The following RHOQ variants were observed in gnomAD, a reference collection of about 807,000 sequenced individuals.
RHOQ encodes rho-related GTP-binding protein RhoQ.
In RHOQ, 7 loss-of-function variants were observed where a neutral mutation model predicts 25.8. The ratio of observed to expected loss-of-function variants is 0.27; its 90% CI spans 0.15 to 0.51. The LOEUF is 0.51. Ranked by LOEUF, RHOQ falls within the 20% of genes least tolerant of loss-of-function variation. The pLI is 0.97. For missense variants in RHOQ, 165 were observed against 260.6 expected (o/e 0.63, Z 2.53); for synonymous variants, 97 against 98.6 (o/e 0.98, Z 0.10).
rs1558691087 is a variant in RHOQ, at chr2:46,572,119, T to TG, written c.202-3968_202-3967insG. Among the ~76,000 whole-genome samples, 56 of 137,210 alleles carry TG rather than the reference T, an allele frequency of 4.1e-4. No homozygotes were observed. The East Asian group carries it at 6.9e-3, about 17-fold the overall frequency. 90.0% of individuals were successfully genotyped at this position (137,210 alleles called of 152,430 possible). A position where few individuals can be genotyped will look rare whatever the true frequency, so the allele number is the denominator to read the frequency against. ...GTGGTAAGTGTGTGTTTTTTTTTTT[T>TG]TTTTTTTTTTTTTTTGAGACAGGGT... On this transcript the variant is annotated intron_variant, in intron 2 of 4. Transcript: ENST00000238738.
chr2:46,543,442 C>G (rs1227831944), intron 1 of RHOQ: 3 of 601,662 alleles, frequency 5.0e-6, no homozygotes, highest in Non-Finnish European at 8.8e-6. Context: ...CGCCCTGGGC[C>G]GTCCTCCTTG....
rs1288852638 is a variant in RHOQ, at chr2:46,581,264, A to T, written c.*181A>T. On this transcript the variant is annotated 3_prime_UTR_variant, in exon 5 of 5. Transcript: ENST00000238738. ...GTTCCTTAAAGGTTTAAGAAGCAGT[A>T]AGCAGCATCTGAAGCCACAATCTAT... 1.1e-6 allele frequency: 1 copy of T among 948,752 alleles called. No homozygotes were observed. Among genetic ancestry groups the T allele is most frequent in the Non-Finnish European group, 1.5e-6 (1 of 646,922 alleles). 58.8% of individuals were successfully genotyped at this position (948,752 alleles called of 1,614,324 possible).
intron 2 of RHOQ, among the ~76,000 whole-genome samples, chr2:46,544,352 AAAG>A (rs1326632977): frequency 1.3e-5 from 2 of 152,188 alleles, no homozygotes; most frequent in African/African-American, 4.8e-5. Context: ...CACAGGGAAA[AAAG>A]AAAAGAAACA....
chr2:46,543,588 G>A (rs1667921655), intron 1 of RHOQ, 166 bp from the exon 2 acceptor site: 1 of 655,810 alleles, frequency 1.5e-6, no homozygotes, highest in Non-Finnish European at 2.8e-6. Flanking sequence ...GCCCTTTGCC[G>A]GTTCACAGTG....
intron 2 of RHOQ, among the ~76,000 whole-genome samples, chr2:46,572,103 G>GTT: frequency 9.2e-6 from 1 of 108,412 alleles, no homozygotes; most frequent in Non-Finnish European, 1.8e-5. Context: ...GGTGGTAAGT[G>GTT]TGTGTTTTTT....
Position 46,556,577 on chromosome 2 carries a change from C to T in RHOQ, c.201+12765C>T, listed in dbSNP as rs1304370269. On this transcript the variant is annotated intron_variant, in intron 2 of 4. Coordinates refer to ENST00000238738, the MANE Select transcript of RHOQ (RefSeq NM_012249.4). The surrounding 1 kb of genome is among the most constrained non-coding windows in gnomAD (Gnocchi z 4.9). ...GCCTCTGTTCATATACTCTCCCACC[C>T]CAACCACACCCTAATAGCTTTATTT... Among the ~76,000 whole-genome samples, 2 of 151,906 alleles carry T rather than the reference C, an allele frequency of 1.3e-5. No homozygotes were observed. The highest frequency in any genetic ancestry group is 2.4e-5 in the African/African-American group (1 of 41,318).
chr2:46,543,640 C>G (rs1667924774), intron 1 of RHOQ, 114 bp from the exon 2 acceptor site: 1 of 845,288 alleles, frequency 1.2e-6, no homozygotes, highest in East Asian at 2.7e-5. Flanking sequence ...TCGCGGGGAG[C>G]GCCCCCACGC....
intron 2 of RHOQ, among the ~76,000 whole-genome samples, chr2:46,573,894 TTC>T (rs1468087705): frequency 1.3e-5 from 2 of 152,266 alleles, no homozygotes; most frequent in African/African-American, 4.8e-5. Context: ...TAATATATCA[TTC>T]TCTTTTATTC....
rs1668267409 is a variant in RHOQ, at chr2:46,552,275, C to A, written c.201+8463C>A. On this transcript the variant is annotated intron_variant, in intron 2 of 4. Transcript: ENST00000238738. This position sits in a 1 kb window ranked among gnomAD's most constrained non-coding sequence, Gnocchi z 5.0. ...CCATGCTTCCTCAAAAAGGAGCAGGCCCGAGGTGGCGCTGATGGCCCCATT... is the reference window on the plus strand; with the variant it reads ...CCATGCTTCCTCAAAAAGGAGCAGGACCGAGGTGGCGCTGATGGCCCCATT... Among the ~76,000 whole-genome samples, 1 of 152,164 alleles carries A rather than the reference C, an allele frequency of 6.6e-6. No homozygotes were observed. The highest frequency in any genetic ancestry group is 1.5e-5 in the Non-Finnish European group (1 of 68,024).
chr2:46,560,493 T>C (rs1438379749), intron 2 of RHOQ: 1 of 446,660 alleles, frequency 2.2e-6, no homozygotes, highest in Non-Finnish European at 4.6e-6. Flanking sequence ...AGGCTCCTGA[T>C]GAATTAATAA....
At chr2:46,580,883 A>G (rs1415248307) in intron 4 of RHOQ, 45 bp from the exon 5 acceptor site, 3 of 1,374,200 alleles carry the variant, frequency 2.2e-6, no homozygotes, top group South Asian at 3.5e-5. Flanking sequence ...TGCCAATTGT[A>G]TAAACATGAT....
intron 2 of RHOQ, among the ~76,000 whole-genome samples, chr2:46,560,174 C>T (rs930002846): frequency 2.0e-5 from 3 of 152,168 alleles, no homozygotes; most frequent in African/African-American, 2.4e-5. Flanking sequence ...CTGTGCAGTC[C>T]GGTGTTTAAC....
intron 2 of RHOQ, among the ~76,000 whole-genome samples, chr2:46,562,823 A>G (rs1002721921): frequency 1.3e-5 from 2 of 152,190 alleles, no homozygotes; most frequent in Non-Finnish European, 2.9e-5. Context: ...AAACCTACAC[A>G]CTTATTTAAA....
rs753876592 is a variant in RHOQ at position 46,548,708 on chromosome 2, A to G, written c.201+4896A>G. Among the ~76,000 whole-genome samples, 2 of 152,134 alleles carry G rather than the reference A, an allele frequency of 1.3e-5. No homozygotes were observed. Among genetic ancestry groups the G allele is most frequent in the Non-Finnish European group, 2.9e-5 (2 of 68,012 alleles). Reference sequence around the variant, plus strand: ...GGGTTCCTTCCAGGCATCAGCTGCAACAGGTGAGATGCTGGCACTGAGCAT... The same window carrying G: ...GGGTTCCTTCCAGGCATCAGCTGCAGCAGGTGAGATGCTGGCACTGAGCAT... On this transcript the variant is annotated intron_variant, in intron 2 of 4. Coordinates refer to ENST00000238738, the MANE Select transcript of RHOQ (RefSeq NM_012249.4). The surrounding 1 kb of genome is among the most constrained non-coding windows in gnomAD (Gnocchi z 5.2).
At chr2:46,575,941 G>C in intron 2 of RHOQ, 146 bp from the exon 3 acceptor site, 1 of 525,498 alleles carries the variant, frequency 1.9e-6, no homozygotes, top group Non-Finnish European at 3.1e-6. Context: ...AACAAAAACA[G>C]AGTTATCTGA....
chr2:46,579,365 T>C (rs1669259415), intron 4 of RHOQ, among the ~76,000 whole-genome samples: 1 of 152,224 alleles, frequency 6.6e-6, no homozygotes, highest in African/African-American at 2.4e-5. Flanking sequence ...GTCAGTCTTG[T>C]AGCTTGCACA....
chr2:46,570,571 A>G (rs1402315999), intron 2 of RHOQ, among the ~76,000 whole-genome samples: 1 of 152,230 alleles, frequency 6.6e-6, no homozygotes, highest in African/African-American at 2.4e-5. Context: ...GCTTCATGAC[A>G]TGTGTCCTCT....
intron 2 of RHOQ, among the ~76,000 whole-genome samples, chr2:46,550,817 C>A (rs895410636): frequency 7.9e-5 from 12 of 152,194 alleles, no homozygotes; most frequent in African/African-American, 2.2e-4. Flanking sequence ...GGGCTTCACA[C>A]TGGCTCAGTT....
At chr2:46,559,120 G>C (rs1466768037) in intron 2 of RHOQ, among the ~76,000 whole-genome samples, 1 of 151,952 alleles carries the variant, frequency 6.6e-6, no homozygotes, top group East Asian at 1.9e-4. Context: ...CTTCTGGCTA[G>C]TTTTTTGTTT....
Sources: gnomAD v4.1 joint callset for allele counts (sites outside exome capture counted in the v4.1 genomes callset) on GRCh38, gnomAD v4.1.1 for gene constraint, Gnocchi (gnomAD v3.1) non-coding constraint, MANE v1.5 for transcripts, NCBI Gene and HGNC (gene_info 2026-07-23, HGNC 2026-07-21) for gene names.